WDR11: variants seen among roughly 807,000 people sequenced by gnomAD.
WDR11 encodes WD repeat domain 11.
WDR11 carries 83 observed loss-of-function variants against 151.2 expected under a neutral mutation model. The ratio of observed to expected loss-of-function variants is 0.55; its 90% CI spans 0.46 to 0.66. The LOEUF (loss-of-function observed/expected upper bound fraction) is 0.66. Among genes scored for constraint, WDR11 ranks in the 30% least tolerant of loss-of-function variants. The pLI is 0.00. For synonymous variants in WDR11, 484 were observed against 533.1 expected (o/e 0.91, Z 1.27); for missense variants, 1,301 against 1,480.9 (o/e 0.88, Z 1.99).
chr10:120,874,067 C>T (rs1846643135), intron 11 of WDR11, 144 bp downstream of exon 11: 2 of 644,880 alleles, frequency 3.1e-6, no homozygotes, highest in Admixed American at 2.2e-5. Flanking sequence ...CAACTAATGG[C>T]TATGTTAATC....
In WDR11 at chr10:120,867,148, C is replaced by G. The variant is rs1454532781; in HGVS notation, c.1273C>G (p.Leu425Val). ...VGVLQNKLPD[L>V]SLDNMIGQSA... ...AGTGCTACAGAATAAACTCCCAGACCTTTCCTTAGATAACATGATTGGTAA... is the reference window on the plus strand; with the variant it reads ...AGTGCTACAGAATAAACTCCCAGACGTTTCCTTAGATAACATGATTGGTAA... Residue 425 changes from leucine (L) to valine (V), a missense_variant, in exon 9 of 29, where the codon CTT becomes GTT. Transcript: ENST00000263461. 6.2e-7 allele frequency: 1 copy of G among 1,613,540 alleles called. No individual in the cohort carries two copies. Among genetic ancestry groups the G allele is most frequent in the East Asian group, 2.2e-5 (1 of 44,810 alleles).
intron 2 of WDR11, among the ~76,000 whole-genome samples, chr10:120,853,667 CAGTA>C (rs1366926037): frequency 6.6e-6 from 1 of 152,064 alleles, no homozygotes; most frequent in African/African-American, 2.4e-5. Flanking sequence ...AGACTGGAGG[CAGTA>C]AGATCATTTA....
intron 21 of WDR11, among the ~76,000 whole-genome samples, chr10:120,901,853 T>G (rs1219655302): frequency 2.0e-5 from 3 of 152,254 alleles, no homozygotes; most frequent in Admixed American, 6.5e-5. Context: ...CAAGCCATTC[T>G]TCCTTAGATA....
At chr10:120,899,213 T>C (rs1349498633) in intron 19 of WDR11, among the ~76,000 whole-genome samples, 1 of 152,074 alleles carries the variant, frequency 6.6e-6, no homozygotes, top group Non-Finnish European at 1.5e-5. Context: ...GCCTAGAGTC[T>C]AAGAAGATAG....
intron 20 of WDR11, 65 bp downstream of exon 20, chr10:120,900,202 C>A (rs1847762889): frequency 7.6e-7 from 1 of 1,320,240 alleles, no homozygotes; most frequent in South Asian, 1.2e-5. Flanking sequence ...CCATGAAAGT[C>A]AGCCATGGCC....
At chr10:120,859,969 A>G in intron 3 of WDR11, 140 bp from the exon 4 acceptor site, 1 of 870,612 alleles carries the variant, frequency 1.1e-6, no homozygotes, top group East Asian at 2.6e-5. Flanking sequence ...ACACACACAC[A>G]CACACACACG....
chr10:120,874,176 G>GTTTTTTTTTTTTTTTTTTTTTTTTTT (rs66873217), intron 11 of WDR11, among the ~76,000 whole-genome samples: 10 of 83,492 alleles, frequency 1.2e-4, no homozygotes, highest in African/African-American at 3.9e-4. Flanking sequence ...GGTTTTTGCA[G>GTTTTTTTTTTTTTTTTTTTTTTTTTT]TTTTTTTTTT....
At chr10:120,891,014 G>C in intron 19 of WDR11, 127 bp downstream of exon 19, 1 of 1,013,386 alleles carries the variant, frequency 9.9e-7, no homozygotes, top group South Asian at 1.5e-5. Flanking sequence ...CTGAGTTTAA[G>C]AAAATATATT....
intron 18 of WDR11, 56 bp downstream of exon 18, chr10:120,890,065 G>A (rs1564714616): frequency 3.1e-6 from 4 of 1,286,160 alleles, no homozygotes; most frequent in South Asian, 1.2e-5. Context: ...TAGGAACTGT[G>A]CTTTGTTAAA....
chr10:120,905,170 T>C, intron 25 of WDR11, 149 bp from the exon 26 acceptor site: 1 of 793,152 alleles, frequency 1.3e-6, no homozygotes, highest in Non-Finnish European at 2.1e-6. Context: ...AAACTCTTAA[T>C]ATTATGTTTC....
At chr10:120,859,272 CT>C (rs35233163) in intron 3 of WDR11, among the ~76,000 whole-genome samples, 37,292 of 128,106 alleles carry the variant, frequency 0.29, 4,348 homozygotes, top group East Asian at 0.39. Context: ...TTTTTTTTTT[CT>C]TTTTTTTTTT....
chr10:120,891,562 C>A (rs1847429650), intron 19 of WDR11, among the ~76,000 whole-genome samples: 1 of 152,098 alleles, frequency 6.6e-6, no homozygotes. Flanking sequence ...TTGGAAGATA[C>A]TTGATCCTAC....
At chr10:120,854,990 C>CT (rs1394359332) in intron 2 of WDR11, among the ~76,000 whole-genome samples, 2 of 152,152 alleles carry the variant, frequency 1.3e-5, no homozygotes, top group African/African-American at 4.8e-5. Flanking sequence ...CTCATACATA[C>CT]TTACTTATGA....
At chr10:120,898,396 A>G (rs773165004) in intron 19 of WDR11, among the ~76,000 whole-genome samples, 1 of 152,252 alleles carries the variant, frequency 6.6e-6, no homozygotes, top group Non-Finnish European at 1.5e-5. Flanking sequence ...TGACTGAATC[A>G]ATAATCACTT....
At chr10:120,901,146 A>C (rs1386718171) in intron 21 of WDR11, 48 bp downstream of exon 21, 4 of 1,463,572 alleles carry the variant, frequency 2.7e-6, no homozygotes, top group Middle Eastern at 3.5e-4. Flanking sequence ...AGAAAGAAAA[A>C]TGCAATTCAA....
intron 11 of WDR11, among the ~76,000 whole-genome samples, chr10:120,876,828 TAAGA>T (rs1846809320): frequency 6.6e-6 from 1 of 152,064 alleles, no homozygotes; most frequent in Non-Finnish European, 1.5e-5. Flanking sequence ...GTCTACAGAG[TAAGA>T]AACTGAAAAT....
intron 19 of WDR11, among the ~76,000 whole-genome samples, chr10:120,893,535 T>C (rs11199629): frequency 0.013 from 1,984 of 152,066 alleles, 21 homozygotes; most frequent in Non-Finnish European, 0.018. Context: ...TACCCAGTAA[T>C]GGGATGGCTG....
intron 3 of WDR11, 52 bp downstream of exon 3, chr10:120,858,848 A>T (rs549450771): frequency 6.8e-6 from 11 of 1,611,282 alleles, no homozygotes; most frequent in Non-Finnish European, 9.3e-6. Context: ...TTACTCTTGG[A>T]GTGGTTTTTT....
At chr10:120,882,318 T>C (rs1029384287) in intron 13 of WDR11, among the ~76,000 whole-genome samples, 1 of 152,084 alleles carries the variant, frequency 6.6e-6, no homozygotes, top group African/African-American at 2.4e-5. Flanking sequence ...TTTATATCTA[T>C]GTTCATGAAG....
Sources: allele counts gnomAD v4.1 joint callset (sites outside exome capture counted in the v4.1 genomes callset), GRCh38; gene constraint gnomAD v4.1.1; transcripts MANE v1.5; gene names NCBI Gene and HGNC (gene_info 2026-07-23, HGNC 2026-07-21).